Variants in SETBP1 observed in about 807,000 individuals in gnomAD.
The protein encoded by SETBP1 is SET-binding protein.
A neutral mutation model predicts 101.0 loss-of-function variants in SETBP1; 9 were observed. The observed-to-expected ratio is 0.09, with a 90% CI of 0.05 to 0.16. The LOEUF is 0.16. Ranked by LOEUF, SETBP1 falls within the 10% of genes least tolerant of loss-of-function variation. SETBP1 has a pLI of 1.00. For missense variants in SETBP1, 1,858 were observed against 2,033.8 expected, an observed-to-expected ratio of 0.91 and a Z score of 1.66; for synonymous variants, 818 against 788.5, an observed-to-expected ratio of 1.04 and a Z score of -0.63.
intron 5 of SETBP1, among the ~76,000 whole-genome samples, chr18:45,061,709 C>T (rs1011877695): frequency 6.6e-6 from 1 of 152,176 alleles, no homozygotes; most frequent in African/African-American, 2.4e-5. Context: ...TGGGAGTACC[C>T]ACAATAAGTG....
chr18:44,819,792 C>G (rs2072066771), intron 2 of SETBP1, among the ~76,000 whole-genome samples: 1 of 152,184 alleles, frequency 6.6e-6, no homozygotes, highest in Admixed American at 6.5e-5. Context: ...CAATTGGACC[C>G]TAACAATTTC....
At chr18:45,002,236 G>A (rs934460477) in intron 4 of SETBP1, among the ~76,000 whole-genome samples, 3 of 151,432 alleles carry the variant, frequency 2.0e-5, no homozygotes, top group Non-Finnish European at 4.4e-5. Flanking sequence ...TCAGATCTGC[G>A]ATCTGAAAAG....
intron 3 of SETBP1, among the ~76,000 whole-genome samples, chr18:44,880,816 GCCCC>G (rs2069514546): frequency 6.6e-6 from 1 of 152,128 alleles, no homozygotes; most frequent in African/African-American, 2.4e-5. Context: ...TGAGGGATCT[GCCCC>G]CATGGTCCAA....
chr18:44,951,799 A>C lies in SETBP1; in HGVS notation c.2459A>C (p.Lys820Thr). The C allele has an allele frequency of 6.2e-7, 1 of 1,614,068 alleles. No homozygotes were observed. Among genetic ancestry groups the C allele is most frequent in the Non-Finnish European group, 8.5e-7 (1 of 1,180,010 alleles). Reference protein sequence around the residue: ...PISALPTKTQKGIHSGTWKLS... With the variant: ...PISALPTKTQTGIHSGTWKLS... The stretch of plus-strand genomic sequence containing the variant: ...AGTGCTCTTCCAACCAAAACCCAAA[A>C]GGGAATACACAGTGGAACCTGGAAG... Residue 820 changes from lysine (K) to threonine (T), a missense_variant, in exon 4 of 6, where the codon AAG becomes ACG. Lys to Thr is a moderately conservative substitution (Grantham distance 78, BLOSUM62 -1). This residue lies in a region of SETBP1 where 121 missense variants were observed against 138.0 expected (regional missense o/e 0.88). Transcript: ENST00000649279. This position sits in a 1 kb window ranked among gnomAD's most constrained non-coding sequence, Gnocchi z 7.8.
chr18:45,030,200 A>G (rs2073262098), intron 4 of SETBP1, among the ~76,000 whole-genome samples: 1 of 137,480 alleles, frequency 7.3e-6, no homozygotes, highest in South Asian at 2.4e-4. Flanking sequence ...TACCTAATTT[A>G]TTGAGAGTTT....
At chr18:44,941,719 T>C (rs1039170261) in intron 3 of SETBP1, among the ~76,000 whole-genome samples, 1 of 152,146 alleles carries the variant, frequency 6.6e-6, no homozygotes, top group Non-Finnish European at 1.5e-5. Context: ...TTACTCAACT[T>C]CTCTTTTGCA....
intron 4 of SETBP1, among the ~76,000 whole-genome samples, chr18:45,009,047 C>CA (rs2072784826): frequency 6.6e-6 from 1 of 152,108 alleles, no homozygotes; most frequent in African/African-American, 2.4e-5. Context: ...GTGGTGGCAA[C>CA]ATGACTTGTA....
intron 2 of SETBP1, among the ~76,000 whole-genome samples, chr18:44,792,900 G>A (rs1474414882): frequency 6.6e-6 from 1 of 152,026 alleles, no homozygotes; most frequent in African/African-American, 2.4e-5. Flanking sequence ...CAAGTCAGCC[G>A]AGAGTTATTC....
intron 3 of SETBP1, among the ~76,000 whole-genome samples, chr18:44,928,792 G>T (rs185425740): frequency 3.9e-5 from 6 of 152,274 alleles, no homozygotes; most frequent in Admixed American, 3.9e-4. Context: ...ATTTTTCCTT[G>T]TAAATTTGTT....
chr18:44,818,117 T>C (rs1226264952), intron 2 of SETBP1, among the ~76,000 whole-genome samples: 1 of 152,206 alleles, frequency 6.6e-6, no homozygotes, highest in Non-Finnish European at 1.5e-5. Context: ...AGAGTAAACA[T>C]CCAGGAAGCT....
chr18:44,967,840 T>C (rs1271768182), intron 4 of SETBP1, among the ~76,000 whole-genome samples: 4 of 152,172 alleles, frequency 2.6e-5, no homozygotes, highest in African/African-American at 9.7e-5. Flanking sequence ...TGAATGCAAG[T>C]ACCACATTCT....
In SETBP1 at chr18:44,952,180, A is replaced by G. The variant is rs1302043829; in HGVS notation, c.2840A>G (p.Asn947Ser). 6.2e-7 allele frequency: 1 copy of G among 1,613,918 alleles called. No individual in the cohort carries two copies. Among genetic ancestry groups the G allele is most frequent in the Non-Finnish European group, 8.5e-7 (1 of 1,180,024 alleles). ...KHKRKRKSLQNRDDLQFLADL... is the reference protein window; with the variant it reads ...KHKRKRKSLQSRDDLQFLADL... ...AAGAGGAAACGGAAAAGCCTGCAAA[A>G]CCGCGATGACCTCCAGTTTCTGGCA... Residue 947 changes from asparagine to serine, a missense_variant, in exon 4 of 6, where the codon AAC becomes AGC. This residue lies in a region of SETBP1 where 255 missense variants were observed against 300.1 expected (regional missense o/e 0.85). Transcript: ENST00000649279.
intron 2 of SETBP1, among the ~76,000 whole-genome samples, chr18:44,864,187 C>A (rs1042040736): frequency 6.6e-6 from 1 of 152,110 alleles, no homozygotes; most frequent in African/African-American, 2.4e-5. Flanking sequence ...GGGAGAAGGG[C>A]AGCTGTTTGG....
intron 4 of SETBP1, among the ~76,000 whole-genome samples, chr18:44,974,055 A>C (rs1268497801): frequency 6.6e-6 from 1 of 152,260 alleles, no homozygotes; most frequent in African/African-American, 2.4e-5. Context: ...AAAATGAAGT[A>C]AAAATAAAGT....
At chr18:45,042,670 G>A (rs1443607738) in intron 5 of SETBP1, among the ~76,000 whole-genome samples, 1 of 152,194 alleles carries the variant, frequency 6.6e-6, no homozygotes, top group Non-Finnish European at 1.5e-5. Flanking sequence ...ATATGCATGT[G>A]TTATATGGGT....
intron 4 of SETBP1, among the ~76,000 whole-genome samples, chr18:44,962,728 G>T (rs1357517701): frequency 6.6e-6 from 1 of 152,204 alleles, no homozygotes; most frequent in Admixed American, 6.5e-5. Context: ...TTCAGAACAA[G>T]CTGGATAAGA....
chr18:44,840,291 T>C (rs999576770), intron 2 of SETBP1, among the ~76,000 whole-genome samples: 1 of 152,242 alleles, frequency 6.6e-6, no homozygotes, highest in African/African-American at 2.4e-5. Flanking sequence ...TGAGCCAGCA[T>C]GCCTTTTGGC....
intron 4 of SETBP1, among the ~76,000 whole-genome samples, chr18:44,976,526 A>C (rs1013636691): frequency 6.6e-6 from 1 of 152,242 alleles, no homozygotes. Flanking sequence ...TCAGAAGCAC[A>C]TGACTGAGCC....
At chr18:44,859,183 C>G (rs766203308) in intron 2 of SETBP1, among the ~76,000 whole-genome samples, 12 of 151,974 alleles carry the variant, frequency 7.9e-5, no homozygotes, top group Non-Finnish European at 1.5e-4. Flanking sequence ...CTTTGGTCAC[C>G]CAGATTTAGG....
Sources: gnomAD v4.1 joint callset for allele counts (sites outside exome capture counted in the v4.1 genomes callset) on GRCh38, gnomAD v4.1.1 for gene constraint, gnomAD v4.1.1 regional missense constraint, Gnocchi (gnomAD v3.1) non-coding constraint, MANE v1.5 for transcripts, NCBI Gene and HGNC (gene_info 2026-07-23, HGNC 2026-07-21) for gene names.